Variants in ATP7B observed in about 807,000 individuals in gnomAD.
The protein encoded by ATP7B is ATPase copper transporting beta, also known as copper-transporting ATPase 2.
A neutral mutation model predicts 118.9 loss-of-function variants in ATP7B; 113 were observed. The observed-to-expected ratio is 0.95, with a 90% CI of 0.82 to 1.11. The LOEUF is 1.11. Among genes scored for constraint, ATP7B ranks in the 50% most tolerant of loss-of-function variants. The probability of loss-of-function intolerance (pLI) is 0.00; values close to 1 mark genes in which losing one functional copy is unlikely to be tolerated. For missense variants in ATP7B, 1,867 were observed against 1,871.4 expected (o/e 1.00, Z 0.04); for synonymous variants, 777 against 727.4 (o/e 1.07, Z -1.10).
intron 19 of ATP7B, 105 bp downstream of exon 19, chr13:51,937,171 C>T (rs1249654035): frequency 2.7e-6 from 3 of 1,117,446 alleles, no homozygotes; most frequent in East Asian, 2.4e-5. Context: ...TTCTAAAACG[C>T]CTCTAGCCAG....
intron 5 of ATP7B, among the ~76,000 whole-genome samples, chr13:51,963,233 T>C (rs1034202250): frequency 3.3e-5 from 5 of 152,194 alleles, no homozygotes; most frequent in Non-Finnish European, 7.3e-5. Flanking sequence ...TCTTTAAGAT[T>C]TGTGGTGTAC....
Position 51,942,506 on chromosome 13 carries a change from G to A in ATP7B, c.3292C>T (p.Pro1098Ser), listed in dbSNP as rs1161694801. Residue 1098 changes from proline (P) to serine (S), a missense_variant, in exon 15 of 21, where the codon CCA becomes TCA. Coordinates refer to ENST00000242839, the MANE Select transcript of ATP7B (RefSeq NM_000053.4). ...ACTTTGCACCCAATTCCACAGCCTG[G>A]CACTGCCTGGAAGTCCGTGCAGTAT... ...LGYCTDFQAV[P>S]GCGIGCKVSN... 25 of 1,614,090 alleles carry A rather than the reference G, an allele frequency of 1.5e-5. No homozygotes were observed. The highest frequency in any genetic ancestry group is 2.0e-5 in the Non-Finnish European group (24 of 1,180,042).
At position 51,950,320 on chromosome 13, in the gene ATP7B, C is replaced by A; in HGVS notation, c.2527G>T (p.Gly843Trp). The A allele has an allele frequency of 6.2e-7, 1 of 1,614,160 alleles. No homozygotes were observed. Among genetic ancestry groups the A allele is most frequent in the Non-Finnish European group, 8.5e-7 (1 of 1,180,032 alleles). ...VVPGGKFPVD[G>W]KVLEGNTMAD... ...ATGGTATTGCCTTCCAGGACTTTCC[C>A]ATCCACTGGAAACTTTCCCCCAGGG... Residue 843 changes from glycine (G) to tryptophan (W), a missense_variant, in exon 10 of 21, where the codon GGG (glycine) becomes TGG (tryptophan). Physicochemically the swap from Gly to Trp is radical, Grantham distance 184. Coordinates refer to ENST00000242839, the MANE Select transcript of ATP7B (RefSeq NM_000053.4).
Position 51,985,243 on chromosome 13 carries a change from G to A in ATP7B, c.52-10075C>T, listed in dbSNP as rs370018276. ...GGAAGATTTACCAAGCAAATGGAAAGCAAAAAAAAGTCGGGGTTGGAATCC... is the reference window on the plus strand; with the variant it reads ...GGAAGATTTACCAAGCAAATGGAAAACAAAAAAAAGTCGGGGTTGGAATCC... On this transcript the variant is annotated intron_variant, in intron 1 of 20. Coordinates refer to ENST00000242839, the MANE Select transcript of ATP7B (RefSeq NM_000053.4). Among the ~76,000 whole-genome samples the A allele has an allele frequency of 1.3e-4, 20 of 151,908 alleles. No homozygotes were observed. In the East Asian group the frequency reaches 1.4e-3, roughly 10 times the overall value.
rs1487357061 is a variant in ATP7B, at chr13:51,933,326, T to C, written c.*1430A>G. ...GGAGCCTGTTTCCTTGCCTGTAAAA[T>C]GTGGACAGTAATAGCTACCCTGCTG... On this transcript the variant is annotated 3_prime_UTR_variant, in exon 21 of 21. Transcript: ENST00000242839. The C allele has an allele frequency of 3.3e-5, 5 of 152,188 alleles. No individual in the cohort carries two copies. Among genetic ancestry groups the C allele is most frequent in the Admixed American group, 2.6e-4 (4 of 15,272 alleles). 9.4% of individuals were successfully genotyped at this position (152,188 alleles called of 1,614,324 possible).
chr13:51,973,726 C>T (rs1951953588), intron 2 of ATP7B, among the ~76,000 whole-genome samples: 1 of 152,204 alleles, frequency 6.6e-6, no homozygotes, highest in African/African-American at 2.4e-5. Flanking sequence ...TACAAAATCC[C>T]AACTACATGA....
chr13:51,949,926 A>C (rs2139197234), intron 11 of ATP7B, 81 bp downstream of exon 11: 1 of 1,611,836 alleles, frequency 6.2e-7, no homozygotes, highest in Non-Finnish European at 8.5e-7. Flanking sequence ...CTACTCAATA[A>C]AACTGTCTGA....
At chr13:52,008,861 T>C (rs1220602299) in intron 1 of ATP7B, among the ~76,000 whole-genome samples, 3 of 145,982 alleles carry the variant, frequency 2.1e-5, no homozygotes, top group African/African-American at 7.4e-5. Context: ...TCTTATTCCC[T>C]TATTCTGCTT....
intron 4 of ATP7B, among the ~76,000 whole-genome samples, chr13:51,965,725 G>T (rs1196031821): frequency 6.6e-6 from 1 of 152,164 alleles, no homozygotes; most frequent in Admixed American, 6.5e-5. Flanking sequence ...GATGCTCGAG[G>T]GAGAGGAGGG....
intron 1 of ATP7B, among the ~76,000 whole-genome samples, chr13:51,995,119 A>G (rs1320160966): frequency 6.6e-6 from 1 of 152,218 alleles, no homozygotes; most frequent in Non-Finnish European, 1.5e-5. Flanking sequence ...GAAAATAAAA[A>G]GCAACAAAAC....
chr13:52,010,020 G>A (rs1330961159), intron 1 of ATP7B, among the ~76,000 whole-genome samples: 2 of 152,084 alleles, frequency 1.3e-5, no homozygotes, highest in Non-Finnish European at 2.9e-5. Flanking sequence ...AGGTCAACAT[G>A]GGCAGGAGCA....
At chr13:51,995,012 C>T (rs979195268) in intron 1 of ATP7B, among the ~76,000 whole-genome samples, 3 of 152,178 alleles carry the variant, frequency 2.0e-5, no homozygotes, top group Non-Finnish European at 4.4e-5. Context: ...ATAAGGTATA[C>T]ACTATAAAAC....
At chr13:51,938,033 C>A (rs1957075309) in intron 17 of ATP7B, among the ~76,000 whole-genome samples, 1 of 152,188 alleles carries the variant, frequency 6.6e-6, no homozygotes, top group Non-Finnish European at 1.5e-5. Flanking sequence ...ATCCAGTAGA[C>A]CCCATGCATC....
intron 1 of ATP7B, among the ~76,000 whole-genome samples, chr13:52,008,970 G>A (rs1430761150): frequency 2.6e-5 from 4 of 152,030 alleles, no homozygotes; most frequent in African/African-American, 9.7e-5. Context: ...AAACTCCTGG[G>A]CTCAAGCCAT....
rs377670877 is a variant in ATP7B at position 51,964,879 on chromosome 13, A to G, written c.1862T>C (p.Ile621Thr). The change falls in exon 5 of 21, where the codon ATT becomes ACT. Residue 621 changes from isoleucine to threonine, a missense_variant. Ile to Thr is a moderately conservative substitution (Grantham distance 89). Transcript: ENST00000242839. ...EIIGPRDIIKIIEEIGFHASL... is the reference protein window; with the variant it reads ...EIIGPRDIIKTIEEIGFHASL... ...TTTTAATGAATTACTTACCTCAATA[A>G]TTTTGATAATATCCCGTGGACCGAT... 15 of 1,613,982 alleles carry G rather than the reference A, an allele frequency of 9.3e-6. No individual in the cohort carries two copies. In the East Asian group the frequency reaches 1.1e-4, roughly 12 times the overall value.
chr13:51,992,860 C>A (rs1952982875), intron 1 of ATP7B, among the ~76,000 whole-genome samples: 1 of 151,408 alleles, frequency 6.6e-6, no homozygotes, highest in East Asian at 2.0e-4. Context: ...TGCCTGTAGT[C>A]CCAGCTACTC....
Position 51,934,709 on chromosome 13 carries a change from T to C in ATP7B, c.*47A>G. On this transcript the variant is annotated 3_prime_UTR_variant, in exon 21 of 21. Coordinates refer to ENST00000242839, the MANE Select transcript of ATP7B (RefSeq NM_000053.4). ...GCTGCTGGCTGTCCTGCTCAGCTTGTGGTGAGTGGAGGCAAGTCCCTGCCC... is the reference window on the plus strand; with the variant it reads ...GCTGCTGGCTGTCCTGCTCAGCTTGCGGTGAGTGGAGGCAAGTCCCTGCCC... 6.2e-7 allele frequency: 1 copy of C among 1,608,784 alleles called. No homozygotes were observed.
intron 2 of ATP7B, among the ~76,000 whole-genome samples, chr13:51,971,602 A>G (rs79880428): frequency 0.015 from 2,252 of 152,320 alleles, 62 homozygotes; most frequent in African/African-American, 0.052. Flanking sequence ...ACCTTATACT[A>G]TATTTCTTAC....
intron 5 of ATP7B, among the ~76,000 whole-genome samples, chr13:51,963,945 G>C (rs1353111583): frequency 6.6e-6 from 1 of 151,808 alleles, no homozygotes; most frequent in East Asian, 1.9e-4. Context: ...CCAGCTACTG[G>C]GGAGACTAAG....
Sources: allele counts gnomAD v4.1 joint callset (sites outside exome capture counted in the v4.1 genomes callset), GRCh38; gene constraint gnomAD v4.1.1; transcripts MANE v1.5; gene names NCBI Gene and HGNC (gene_info 2026-07-23, HGNC 2026-07-21).